HSD17B12: variants seen among roughly 807,000 people sequenced by gnomAD.
The protein encoded by HSD17B12 is very-long-chain 3-oxoacyl-CoA reductase.
HSD17B12 carries 32 observed loss-of-function variants against 39.3 expected under a neutral mutation model. The ratio of observed to expected loss-of-function variants is 0.81; its 90% CI spans 0.61 to 1.09. The LOEUF (loss-of-function observed/expected upper bound fraction) is 1.09. Ranked by LOEUF, HSD17B12 falls within the 50% of genes least tolerant of loss-of-function variation. The probability of loss-of-function intolerance (pLI) is 0.00; values close to 1 mark genes in which losing one functional copy is unlikely to be tolerated. For synonymous variants in HSD17B12, 150 were observed against 146.7 expected (o/e 1.02, Z -0.16); for missense variants, 342 against 382.9 (o/e 0.89, Z 0.89).
chr11:43,784,032 G>T (rs1950792322), intron 3 of HSD17B12, among the ~76,000 whole-genome samples: 1 of 152,106 alleles, frequency 6.6e-6, no homozygotes, highest in African/African-American at 2.4e-5. Context: ...TCAGACACCG[G>T]ATTAAAGAAG....
chr11:43,703,340 G>A (rs908465758), intron 1 of HSD17B12, among the ~76,000 whole-genome samples: 78 of 151,100 alleles, frequency 5.2e-4, no homozygotes, highest in Non-Finnish European at 7.9e-4. Flanking sequence ...GACTACAGGC[G>A]CCCGCCACTA....
intron 3 of HSD17B12, among the ~76,000 whole-genome samples, chr11:43,781,528 C>T (rs932792044): frequency 2.0e-5 from 3 of 152,150 alleles, no homozygotes; most frequent in African/African-American, 7.2e-5. Flanking sequence ...AAGATAACAG[C>T]CCAGACCTTT....
At chr11:43,577,023 T>C in the HSD17B12 span, among the ~76,000 whole-genome samples, 1 of 151,948 alleles carries the variant, frequency 6.6e-6, no homozygotes, top group Non-Finnish European at 1.5e-5. Flanking sequence ...GCAATATAGA[T>C]CAAAATTGCA....
intron 7 of HSD17B12, chr11:43,833,940 A>T (rs145989538): frequency 1.3e-5 from 2 of 152,238 alleles, no homozygotes; most frequent in Non-Finnish European, 2.9e-5. Context: ...AATTATAAAC[A>T]TTGTGTACAG....
At chr11:43,762,240 T>C (rs1044843459) in intron 3 of HSD17B12, among the ~76,000 whole-genome samples, 1 of 152,232 alleles carries the variant, frequency 6.6e-6, no homozygotes, top group African/African-American at 2.4e-5. Context: ...CTTGCAAAAT[T>C]AATTTTTGTT....
At chr11:43,620,694 G>A in the HSD17B12 span, among the ~76,000 whole-genome samples, 1 of 152,172 alleles carries the variant, frequency 6.6e-6, no homozygotes, top group African/African-American at 2.4e-5. Context: ...AATATGATAT[G>A]TTACATAAAT....
At chr11:43,591,054 C>T in the HSD17B12 span, among the ~76,000 whole-genome samples, 6 of 152,064 alleles carry the variant, frequency 3.9e-5, no homozygotes, top group Non-Finnish European at 8.8e-5. Context: ...TGAACCTCAA[C>T]ACCACATTTA....
At chr11:43,816,477 C>A in intron 6 of HSD17B12, 86 bp downstream of exon 6, 1 of 1,183,768 alleles carries the variant, frequency 8.4e-7, no homozygotes, top group Non-Finnish European at 1.1e-6. Context: ...TCACCTGAGT[C>A]TACTCTTGTT....
chr11:43,564,775 A>C, the HSD17B12 span, among the ~76,000 whole-genome samples: 2 of 152,226 alleles, frequency 1.3e-5, no homozygotes, highest in East Asian at 1.9e-4. Flanking sequence ...ATATTTGCTA[A>C]TACTGGTGGC....
chr11:43,737,562 T>C (rs968908765), intron 1 of HSD17B12, among the ~76,000 whole-genome samples: 1 of 152,170 alleles, frequency 6.6e-6, no homozygotes, highest in Non-Finnish European at 1.5e-5. Flanking sequence ...TTTTAAAAAA[T>C]CTTCCTTTTT....
the HSD17B12 span, chr11:43,570,355 A>C: frequency 6.6e-6 from 1 of 152,242 alleles, no homozygotes; most frequent in African/African-American, 2.4e-5. Flanking sequence ...GGATGAAATC[A>C]TCTAGATTTT....
chr11:43,850,544 T>C (rs1231886745), intron 9 of HSD17B12, among the ~76,000 whole-genome samples: 6 of 152,216 alleles, frequency 3.9e-5, no homozygotes, highest in Non-Finnish European at 1.5e-5. Flanking sequence ...ATTTTTCAGT[T>C]GAAAAGCATG....
the HSD17B12 span, among the ~76,000 whole-genome samples, chr11:43,651,476 T>C: frequency 5.9e-5 from 9 of 152,352 alleles, 1 homozygote; most frequent in South Asian, 1.4e-3. Context: ...GTTGGATATG[T>C]AAATTGGTAT....
the HSD17B12 span, among the ~76,000 whole-genome samples, chr11:43,639,888 T>TC: frequency 6.6e-6 from 1 of 152,168 alleles, no homozygotes; most frequent in African/African-American, 2.4e-5. Flanking sequence ...AGCTGTGCTC[T>TC]CCAACTTTAT....
intron 1 of HSD17B12, among the ~76,000 whole-genome samples, chr11:43,713,969 G>A (rs1950095950): frequency 6.6e-6 from 1 of 151,970 alleles, no homozygotes; most frequent in African/African-American, 2.4e-5. Flanking sequence ...CTTGTTGATG[G>A]GGTTGCTTTT....
the HSD17B12 span, among the ~76,000 whole-genome samples, chr11:43,568,886 G>A: frequency 6.6e-6 from 1 of 152,148 alleles, no homozygotes; most frequent in Non-Finnish European, 1.5e-5. Flanking sequence ...TCATAATTGA[G>A]CTTCCTTGAT....
intron 9 of HSD17B12, among the ~76,000 whole-genome samples, chr11:43,843,856 C>G (rs1474473738): frequency 6.6e-6 from 1 of 152,188 alleles, no homozygotes; most frequent in Non-Finnish European, 1.5e-5. Context: ...CTCCCCACTT[C>G]CATGTATTCT....
At chr11:43,638,394 G>A in the HSD17B12 span, among the ~76,000 whole-genome samples, 2 of 152,078 alleles carry the variant, frequency 1.3e-5, no homozygotes, top group African/African-American at 4.8e-5. Flanking sequence ...GGAAAGTAGA[G>A]TGGGTAAGGC....
chr11:43,823,523 A>G (rs1010002787), intron 6 of HSD17B12, among the ~76,000 whole-genome samples: 1 of 152,064 alleles, frequency 6.6e-6, no homozygotes, highest in Non-Finnish European at 1.5e-5. Context: ...CTCCTGCCTC[A>G]GCTTCCCGAA....
Sources: gnomAD v4.1 joint callset for allele counts (sites outside exome capture counted in the v4.1 genomes callset) on GRCh38, gnomAD v4.1.1 for gene constraint, MANE v1.5 for transcripts, NCBI Gene and HGNC (gene_info 2026-07-23, HGNC 2026-07-21) for gene names.